Variants in BUB1B observed in about 807,000 individuals in gnomAD.
BUB1B encodes the protein BUB1 mitotic checkpoint serine/threonine kinase B.
In BUB1B, 86 loss-of-function variants were observed where a neutral mutation model predicts 137.7. That is an observed-to-expected ratio of 0.62 (90% CI 0.52 to 0.75). The LOEUF is 0.75. Among genes scored for constraint, BUB1B ranks in the 30% least tolerant of loss-of-function variants. The probability of loss-of-function intolerance (pLI) is 0.00; values close to 1 mark genes in which losing one functional copy is unlikely to be tolerated. For missense variants in BUB1B, 1,130 were observed against 1,236.9 expected, an observed-to-expected ratio of 0.91 and a Z score of 1.30; for synonymous variants, 420 against 417.9, an observed-to-expected ratio of 1.00 and a Z score of -0.06.
chr15:40,210,313 A>G (rs918484954), intron 18 of BUB1B, 103 bp downstream of exon 18: 4 of 866,188 alleles, frequency 4.6e-6, no homozygotes, highest in African/African-American at 3.4e-5. Context: ...ATCTCTTTCA[A>G]TATGTCCAAA....
chr15:40,188,092 G>T (rs2037390563), intron 8 of BUB1B, among the ~76,000 whole-genome samples: 2 of 152,138 alleles, frequency 1.3e-5, no homozygotes, highest in Non-Finnish European at 2.9e-5. Context: ...CTGTTGCCCA[G>T]GCTGGAGTGC....
chr15:40,211,714 A>G (rs1318411308), intron 18 of BUB1B, among the ~76,000 whole-genome samples: 3 of 152,072 alleles, frequency 2.0e-5, no homozygotes, highest in South Asian at 2.1e-4. Context: ...CTTCTGTTTT[A>G]TACTCACTAG....
intron 5 of BUB1B, among the ~76,000 whole-genome samples, chr15:40,180,884 G>C (rs1344125550): frequency 6.7e-6 from 1 of 149,962 alleles, no homozygotes; most frequent in African/African-American, 2.5e-5. Context: ...TCCTGATCTC[G>C]TGATGAGCCT....
At chr15:40,195,132 T>TC (rs2037482482) in intron 8 of BUB1B, among the ~76,000 whole-genome samples, 3 of 151,878 alleles carry the variant, frequency 2.0e-5, no homozygotes, top group Non-Finnish European at 4.4e-5. Context: ...TAACCCTTAC[T>TC]CCCCCCATCC....
intron 8 of BUB1B, among the ~76,000 whole-genome samples, chr15:40,186,511 C>T (rs541130692): frequency 7.9e-6 from 1 of 126,192 alleles, no homozygotes; most frequent in East Asian, 2.5e-4. Context: ...GTGGTGCGAT[C>T]TGGGCTCACT....
chr15:40,196,234 GAA>G, intron 8 of BUB1B, among the ~76,000 whole-genome samples: 1 of 152,162 alleles, frequency 6.6e-6, no homozygotes, highest in Non-Finnish European at 1.5e-5. Context: ...ACCATTTGTT[GAA>G]TAGAGTATCT....
At chr15:40,198,035 A>C (rs1198559603) in intron 9 of BUB1B, among the ~76,000 whole-genome samples, 1 of 152,168 alleles carries the variant, frequency 6.6e-6, no homozygotes, top group Non-Finnish European at 1.5e-5. Context: ...GGCCAGGCAC[A>C]GTGGCTCACA....
At position 40,221,071 on chromosome 15, in the gene BUB1B, G is replaced by A. The variant is rs2037900005; in HGVS notation, c.*312G>A. ...TTTTCCCATTTGTAATTTGTAAAAT[G>A]TTCTCTTATGATCACCATGTATTTT... is the stretch of plus-strand genomic sequence containing the variant. On this transcript the variant is annotated 3_prime_UTR_variant, in exon 23 of 23. Transcript: ENST00000287598. 1 of 403,006 alleles carries A rather than the reference G, an allele frequency of 2.5e-6. No homozygotes were observed. The highest frequency in any genetic ancestry group is 3.1e-5 in the South Asian group (1 of 31,850). 25.0% of individuals were successfully genotyped at this position (403,006 alleles called of 1,614,324 possible).
Position 40,161,243 on chromosome 15 carries a change from G to C in BUB1B, c.23G>C (p.Gly8Ala), listed in dbSNP as rs554782320. 7.4e-6 allele frequency: 12 copies of C among 1,613,146 alleles called. No individual in the cohort carries two copies. The East Asian group carries it at 1.1e-4, about 15-fold the overall frequency. The change falls in exon 1 of 23, where the codon GGG becomes GCG. Residue 8 changes from glycine (G) to alanine (A), a missense_variant. Coordinates refer to ENST00000287598, the MANE Select transcript of BUB1B (RefSeq NM_001211.6). The part of the protein sequence containing the change: MAAVKKE[G>A]GALSEAMSLE... Reference sequence around the variant, plus strand: ...AGGATGGCGGCGGTGAAGAAGGAAGGGGGTGCTCTGAGGTAGGTACGGGAG... The same window carrying C: ...AGGATGGCGGCGGTGAAGAAGGAAGCGGGTGCTCTGAGGTAGGTACGGGAG...
Position 40,170,580 on chromosome 15 carries a change from G to T in BUB1B, c.283G>T (p.Glu95Ter). ...TEQNYPQGGK[E>*]SNMSTLLERA... Reference sequence around the variant, plus strand: ...GCAGAACTATCCTCAAGGTGGGAAGGAGAGTAATATGTCAACGTTATTAGA... The same window carrying T: ...GCAGAACTATCCTCAAGGTGGGAAGTAGAGTAATATGTCAACGTTATTAGA... Residue 95 changes from glutamate (E) to a stop codon, truncating the protein, a stop_gained, in exon 4 of 23, where the codon GAG becomes TAG. Coordinates refer to ENST00000287598, the MANE Select transcript of BUB1B (RefSeq NM_001211.6). LOFTEE classifies it high-confidence loss of function. The T allele has an allele frequency of 6.2e-7, 1 of 1,613,296 alleles. No homozygotes were observed. The highest frequency in any genetic ancestry group is 1.1e-5 in the South Asian group (1 of 91,068).
At chr15:40,184,040 C>A (rs1345927482) in intron 6 of BUB1B, among the ~76,000 whole-genome samples, 157 bp downstream of exon 6, 2 of 152,086 alleles carry the variant, frequency 1.3e-5, no homozygotes. Flanking sequence ...TTACAGTGTG[C>A]AGTAAAATCA....
At position 40,200,958 on chromosome 15, in the gene BUB1B, GC is replaced by G; in HGVS notation, c.1546del (p.Gln516ArgfsTer37). ...RETSLAENIWQEQPHSKGPSV... is the reference protein window; with the variant it reads ...RETSLAENIWXEQPHSKGPSV... ...AAACTTCACTTGCGGAGAACATTTG[GC>G]AGGAACAACCTCATTCTAAAGGTGA... On this transcript the variant is annotated frameshift_variant, in exon 12 of 23. Coordinates refer to ENST00000287598, the MANE Select transcript of BUB1B (RefSeq NM_001211.6). LOFTEE classifies it high-confidence loss of function. 6.2e-7 allele frequency: 1 copy of G among 1,613,248 alleles called. No individual in the cohort carries two copies. The highest frequency in any genetic ancestry group is 8.5e-7 in the Non-Finnish European group (1 of 1,179,522).
chr15:40,172,259 T>TA (rs933029051), intron 4 of BUB1B, among the ~76,000 whole-genome samples: 69 of 152,236 alleles, frequency 4.5e-4, no homozygotes, highest in African/African-American at 1.7e-3. Flanking sequence ...AATTTCTTAC[T>TA]AAAGTCTTAA....
chr15:40,213,463 T>C lies in BUB1B; in HGVS notation c.2667T>C (p.Ile889=), dbSNP rs901161308. 1.2e-5 allele frequency: 20 copies of C among 1,614,060 alleles called. No individual in the cohort carries two copies. The highest frequency in any genetic ancestry group is 2.5e-6 in the Non-Finnish European group (3 of 1,180,034). ...GTGACTTGAGTCCAAGGTGTCTGAT[T>C]CTCAGAAACAGGTTGGTCCTTTTCA... The part of the protein sequence containing the change: ...VHGDLSPRCL[I]LRNRIHDPYD... The change falls in exon 20 of 23, where the codon ATT becomes ATC. Residue 889 remains isoleucine, a synonymous_variant. Transcript: ENST00000287598.
intron 7 of BUB1B, 81 bp from the exon 8 acceptor site, chr15:40,185,470 C>G: frequency 1.9e-6 from 3 of 1,589,936 alleles, no homozygotes; most frequent in Non-Finnish European, 2.6e-6. Flanking sequence ...TTTAATTCCT[C>G]TTGAATATTT....
intron 8 of BUB1B, among the ~76,000 whole-genome samples, chr15:40,192,975 C>T (rs983542754): frequency 1.3e-5 from 2 of 152,096 alleles, no homozygotes; most frequent in Non-Finnish European, 2.9e-5. Flanking sequence ...CTCATCCTCC[C>T]TAGTAGCTGG....
chr15:40,216,946 AAGTAAG>A (rs1398272167), intron 20 of BUB1B, among the ~76,000 whole-genome samples: 3 of 152,194 alleles, frequency 2.0e-5, no homozygotes, highest in African/African-American at 7.2e-5. Context: ...CTGGAATTAC[AAGTAAG>A]AGTAAGATAA....
At chr15:40,200,423 C>G in intron 11 of BUB1B, 64 bp downstream of exon 11, 2 of 1,214,080 alleles carry the variant, frequency 1.6e-6, no homozygotes, top group Non-Finnish European at 2.4e-6. Context: ...ACCTTTGACT[C>G]TCTAGTGCCT....
chr15:40,167,823 CA>C (rs1001651299), intron 2 of BUB1B, among the ~76,000 whole-genome samples: 19 of 149,790 alleles, frequency 1.3e-4, no homozygotes, highest in African/African-American at 4.7e-4. Flanking sequence ...GGGCCCTTTT[CA>C]AAAATCATTT....
Sources: allele counts gnomAD v4.1 joint callset (sites outside exome capture counted in the v4.1 genomes callset), GRCh38; gene constraint gnomAD v4.1.1; transcripts MANE v1.5; gene names NCBI Gene and HGNC (gene_info 2026-07-23, HGNC 2026-07-21).